The following PTPRN2 variants were observed in gnomAD, a reference collection of about 807,000 sequenced individuals.
PTPRN2 encodes protein tyrosine phosphatase receptor type N2.
A neutral mutation model predicts 118.8 loss-of-function variants in PTPRN2; 74 were observed. The ratio of observed to expected loss-of-function variants is 0.62; its 90% confidence interval spans 0.52 to 0.76. The LOEUF (loss-of-function observed/expected upper bound fraction) is 0.76. PTPRN2 is among the 30% of genes least tolerant of loss of function. The pLI is 0.00. For missense variants in PTPRN2, 1,481 were observed against 1,394.4 expected, an observed-to-expected ratio of 1.06 and a Z score of -0.99; for synonymous variants, 641 against 608.0, an observed-to-expected ratio of 1.05 and a Z score of -0.80.
At chr7:157,775,047 G>T (rs1409398612) in intron 12 of PTPRN2, among the ~76,000 whole-genome samples, 1 of 152,208 alleles carries the variant, frequency 6.6e-6, no homozygotes, top group Non-Finnish European at 1.5e-5. Context: ...TGTCAGCAGA[G>T]TCTGAGGGCC....
intron 12 of PTPRN2, among the ~76,000 whole-genome samples, chr7:157,705,927 C>T (rs182992872): frequency 1.3e-5 from 2 of 152,256 alleles, no homozygotes; most frequent in East Asian, 1.9e-4. Context: ...CACATCCTTC[C>T]AGAATGCTGG....
At chr7:157,740,657 G>A (rs1180016913) in intron 12 of PTPRN2, among the ~76,000 whole-genome samples, 2 of 152,262 alleles carry the variant, frequency 1.3e-5, no homozygotes, top group African/African-American at 2.4e-5. Context: ...AAGGAGTGGC[G>A]GGAGCTTCTC....
intron 11 of PTPRN2, among the ~76,000 whole-genome samples, chr7:157,955,077 C>T (rs1306395354): frequency 1.3e-5 from 2 of 152,028 alleles, no homozygotes; most frequent in Non-Finnish European, 2.9e-5. Context: ...CCCCAAGGAG[C>T]CCCCTGGAGA....
At chr7:158,009,925 C>G (rs537434764) in intron 11 of PTPRN2, among the ~76,000 whole-genome samples, 1 of 152,314 alleles carries the variant, frequency 6.6e-6, no homozygotes, top group Admixed American at 6.5e-5. Flanking sequence ...ATTCCCCATG[C>G]CATCCTGCCC....
intron 3 of PTPRN2, among the ~76,000 whole-genome samples, chr7:158,250,464 C>A (rs539091722): frequency 2.0e-5 from 3 of 152,246 alleles, no homozygotes; most frequent in African/African-American, 7.2e-5. Flanking sequence ...CCATCCTCAT[C>A]CCCTCTCCAT....
chr7:157,579,492 G>A (rs1204935309), intron 17 of PTPRN2, among the ~76,000 whole-genome samples: 4 of 152,124 alleles, frequency 2.6e-5, no homozygotes, highest in South Asian at 2.1e-4. Context: ...AAGCCATTAC[G>A]AAAATGAGGA....
chr7:158,120,048 G>A (rs1817031466), intron 9 of PTPRN2, among the ~76,000 whole-genome samples: 3 of 152,146 alleles, frequency 2.0e-5, no homozygotes, highest in Admixed American at 6.5e-5. Context: ...AGACACATGC[G>A]ACAACAGGGA....
chr7:157,642,902 C>A (rs956268296), intron 14 of PTPRN2, among the ~76,000 whole-genome samples: 7 of 149,862 alleles, frequency 4.7e-5, no homozygotes, highest in African/African-American at 7.4e-5. Context: ...CCAATCGCCC[C>A]GGCAGCCAAA....
chr7:158,346,445 G>A (rs1807520307), intron 2 of PTPRN2, among the ~76,000 whole-genome samples: 1 of 152,176 alleles, frequency 6.6e-6, no homozygotes, highest in African/African-American at 2.4e-5. Context: ...TTCCATCCAT[G>A]ATGCTGGAAA....
At chr7:158,396,519 C>G (rs1812520435) in intron 2 of PTPRN2, among the ~76,000 whole-genome samples, 1 of 152,046 alleles carries the variant, frequency 6.6e-6, no homozygotes, top group Admixed American at 6.5e-5. Context: ...AGCTGCTCCC[C>G]TCCTCGCCGA....
At chr7:157,543,790 G>C (rs1303214408) in intron 22 of PTPRN2, among the ~76,000 whole-genome samples, 1 of 152,202 alleles carries the variant, frequency 6.6e-6, no homozygotes, top group Admixed American at 6.5e-5. Context: ...CTCTCAAAAG[G>C]GGGTGAGGAT....
At chr7:158,292,049 C>G (rs528760168) in intron 3 of PTPRN2, among the ~76,000 whole-genome samples, 2 of 152,202 alleles carry the variant, frequency 1.3e-5, no homozygotes, top group South Asian at 2.1e-4. Context: ...ACCTGTCTAG[C>G]TTTTAGTGAG....
chr7:158,413,055 T>C (rs1469959722), intron 2 of PTPRN2, among the ~76,000 whole-genome samples: 20 of 96,586 alleles, frequency 2.1e-4, no homozygotes, highest in Non-Finnish European at 2.6e-4. Context: ...CCAGTGCCCT[T>C]CTCAGCTCCA....
At chr7:157,782,093 C>T (rs758901520) in intron 12 of PTPRN2, among the ~76,000 whole-genome samples, 3 of 152,256 alleles carry the variant, frequency 2.0e-5, no homozygotes, top group Non-Finnish European at 4.4e-5. Flanking sequence ...CCTGGGCTGG[C>T]TTTGCCAAAG....
intron 1 of PTPRN2, among the ~76,000 whole-genome samples, chr7:158,558,580 G>A (rs1021570737): frequency 2.6e-5 from 4 of 152,004 alleles, no homozygotes; most frequent in African/African-American, 9.7e-5. Context: ...CAGGCACCTA[G>A]AGGCAGGTGT....
rs1449229139 is a variant in PTPRN2, at chr7:158,504,057, T to G, written c.113-14272A>C. Among the ~76,000 whole-genome samples the G allele has an allele frequency of 2.0e-5, 3 of 151,842 alleles. No homozygotes were observed. In the East Asian group the frequency reaches 5.8e-4, roughly 29 times the overall value. ...ATAAAAGCCTAGAAAATTAAGAAAA[T>G]GCAGAAAATCTCAAAGAATAATACA... On this transcript the variant is annotated intron_variant, in intron 1 of 22. Transcript: ENST00000389418.
intron 12 of PTPRN2, among the ~76,000 whole-genome samples, chr7:157,733,921 G>A (rs1406502275): frequency 1.1e-4 from 5 of 44,462 alleles, no homozygotes; most frequent in South Asian, 1.0e-3. Context: ...CGTCCCAGGC[G>A]CCCAGCACAG....
At chr7:157,688,107 A>G (rs1797283152) in intron 12 of PTPRN2, among the ~76,000 whole-genome samples, 2 of 152,250 alleles carry the variant, frequency 1.3e-5, no homozygotes, top group African/African-American at 4.8e-5. Context: ...AACCCAAAAA[A>G]GCAAAAGAAA....
rs920027 is a variant in PTPRN2 at position 157,990,016 on chromosome 7, G to A, written c.1724-91279C>T. ...TCGTGTCCCTTCTTTGACAGTAAAA[G>A]TTGTTTTCTTGGAAATAAATCAAAT... On this transcript the variant is annotated intron_variant, in intron 11 of 22. Transcript: ENST00000389418. The surrounding 1 kb of genome is among the most constrained non-coding windows in gnomAD (Gnocchi z 4.3). Among the ~76,000 whole-genome samples the A allele has an allele frequency of 0.84, 127,811 of 152,076 alleles. 53,918 individuals are homozygous for A. Among genetic ancestry groups the A allele is most frequent in the African/African-American group, 0.91 (37,582 of 41,518 alleles).
Sources: gnomAD v4.1 joint callset for allele counts (sites outside exome capture counted in the v4.1 genomes callset) on GRCh38, gnomAD v4.1.1 for gene constraint, Gnocchi (gnomAD v3.1) non-coding constraint, MANE v1.5 for transcripts, NCBI Gene and HGNC (gene_info 2026-07-23, HGNC 2026-07-21) for gene names.